The following UBXN2A variants were observed in gnomAD, a reference collection of about 807,000 sequenced individuals.
UBXN2A encodes UBX domain protein 2A.
A neutral mutation model predicts 28.4 loss-of-function variants in UBXN2A; 28 were observed. That is an observed-to-expected ratio of 0.99 (90% CI 0.73 to 1.35). The LOEUF is 1.35. Among genes scored for constraint, UBXN2A ranks in the 40% most tolerant of loss-of-function variants. The probability of loss-of-function intolerance (pLI) is 0.00; values close to 1 mark genes in which losing one functional copy is unlikely to be tolerated. For synonymous variants in UBXN2A, 97 were observed against 103.6 expected, an observed-to-expected ratio of 0.94 and a Z score of 0.39; for missense variants, 253 against 297.9, an observed-to-expected ratio of 0.85 and a Z score of 1.11.
At chr2:23,957,962 G>C (rs901263066) in intron 1 of UBXN2A, among the ~76,000 whole-genome samples, 2 of 152,174 alleles carry the variant, frequency 1.3e-5, no homozygotes, top group Non-Finnish European at 2.9e-5. Flanking sequence ...ATTTTACCCA[G>C]ACTGGTCTTG....
At chr2:23,996,584 C>A (rs1262576135) in intron 6 of UBXN2A, among the ~76,000 whole-genome samples, 1 of 146,452 alleles carries the variant, frequency 6.8e-6, no homozygotes, top group Non-Finnish European at 1.5e-5. Flanking sequence ...TCAAGAGATT[C>A]TCCTGCCTCA....
chr2:23,937,407 G>A (rs1241706531), upstream of UBXN2A, among the ~76,000 whole-genome samples: 4 of 151,924 alleles, frequency 2.6e-5, no homozygotes, highest in Non-Finnish European at 5.9e-5. Flanking sequence ...TTAATTGGTC[G>A]GGCATGGTGG....
At chr2:23,981,477 A>T (rs1272378349) in intron 4 of UBXN2A, among the ~76,000 whole-genome samples, 4 of 17,578 alleles carry the variant, frequency 2.3e-4, no homozygotes, top group Admixed American at 1.9e-3. Flanking sequence ...GCTCCTATCT[A>T]AAAAAAAAAA....
chr2:23,965,607 G>A (rs965680738), intron 2 of UBXN2A, among the ~76,000 whole-genome samples: 5 of 152,134 alleles, frequency 3.3e-5, no homozygotes, highest in African/African-American at 1.2e-4. Context: ...ATACATTGTT[G>A]TATTCTGTTT....
chr2:23,946,010 T>G (rs1048701521), intron 1 of UBXN2A, among the ~76,000 whole-genome samples: 1 of 152,046 alleles, frequency 6.6e-6, no homozygotes, highest in Non-Finnish European at 1.5e-5. Context: ...TTTTGTATTT[T>G]TAGTAGGCAC....
chr2:24,004,740 A>T lies in UBXN2A; in HGVS notation c.*4873A>T, dbSNP rs1216169616. On this transcript the variant is annotated 3_prime_UTR_variant, in exon 7 of 7. Transcript: ENST00000309033. ...CTATGCATTTTTTTCAGTTTAAAAA[A>T]TAATCTTATTTTATATACTTCTCTC... The T allele has an allele frequency of 2.6e-5, 4 of 151,804 alleles. No individual in the cohort carries two copies. Among genetic ancestry groups the T allele is most frequent in the Non-Finnish European group, 5.9e-5 (4 of 67,812 alleles). 9.4% of individuals were successfully genotyped at this position (151,804 alleles called of 1,614,324 possible). A position where few individuals can be genotyped will look rare whatever the true frequency, so the allele number is the denominator to read the frequency against.
At chr2:23,985,204 C>G (rs1186465945) in intron 6 of UBXN2A, among the ~76,000 whole-genome samples, 1 of 152,144 alleles carries the variant, frequency 6.6e-6, no homozygotes, top group Non-Finnish European at 1.5e-5. Context: ...TGCCAAAGTG[C>G]TGGGATTACA....
rs1043548789 is a variant in UBXN2A at position 24,004,043 on chromosome 2, A to G, written c.*4176A>G. 5 of 152,206 alleles carry G rather than the reference A, an allele frequency of 3.3e-5. No homozygotes were observed. The highest frequency in any genetic ancestry group is 3.8e-4 in the East Asian group (2 of 5,198). The allele number at this position is 152,206 out of a possible 1,614,324, so 9.4% of individuals were successfully genotyped here. A position where few individuals can be genotyped will look rare whatever the true frequency, so the allele number is the denominator to read the frequency against. On this transcript the variant is annotated 3_prime_UTR_variant, in exon 7 of 7. Coordinates refer to ENST00000309033, the MANE Select transcript of UBXN2A (RefSeq NM_181713.4). ...TAGAATACATCCCAGTAAGGGTCCTATGGAGAAAGACCTGTTGTCATCAAT... is the reference window on the plus strand; with the variant it reads ...TAGAATACATCCCAGTAAGGGTCCTGTGGAGAAAGACCTGTTGTCATCAAT...
intron 1 of UBXN2A, among the ~76,000 whole-genome samples, chr2:23,948,684 A>G (rs1270082815): frequency 6.6e-6 from 1 of 152,168 alleles, no homozygotes; most frequent in Non-Finnish European, 1.5e-5. Flanking sequence ...TAAGTTAGGC[A>G]GCTGGGACTC....
At chr2:23,952,466 A>G (rs1706420287) in intron 1 of UBXN2A, among the ~76,000 whole-genome samples, 1 of 151,502 alleles carries the variant, frequency 6.6e-6, no homozygotes, top group African/African-American at 2.4e-5. Context: ...TTTTTTTGAG[A>G]CAGAGTCTTT....
At chr2:23,953,498 TCACA>T (rs1043694405) in intron 1 of UBXN2A, among the ~76,000 whole-genome samples, 3 of 152,218 alleles carry the variant, frequency 2.0e-5, no homozygotes, top group Non-Finnish European at 4.4e-5. Flanking sequence ...AGTCCCATCG[TCACA>T]CCCTAAAAAT....
intron 2 of UBXN2A, among the ~76,000 whole-genome samples, chr2:23,962,556 A>C (rs1706974141): frequency 6.6e-6 from 1 of 151,306 alleles, no homozygotes; most frequent in Non-Finnish European, 1.5e-5. Flanking sequence ...GACATACCCG[A>C]GACTGGGCAA....
intron 1 of UBXN2A, among the ~76,000 whole-genome samples, chr2:23,933,618 G>T (rs999324378): frequency 9.9e-5 from 15 of 151,820 alleles, no homozygotes; most frequent in African/African-American, 3.1e-4. Context: ...GCTACTCAGG[G>T]GGCTGAGGCA....
intron 2 of UBXN2A, 23 bp from the exon 3 acceptor site, chr2:23,971,253 C>T: frequency 6.6e-7 from 1 of 1,520,310 alleles, no homozygotes; most frequent in Non-Finnish European, 8.9e-7. Flanking sequence ...TTAATAGTGC[C>T]TGTTTTTCTT....
At chr2:23,992,840 T>G (rs375473104) in intron 6 of UBXN2A, among the ~76,000 whole-genome samples, 1 of 152,234 alleles carries the variant, frequency 6.6e-6, no homozygotes, top group East Asian at 1.9e-4. Context: ...TTTCAACGTA[T>G]CTGTATATAT....
chr2:23,988,966 C>T (rs535890227), intron 6 of UBXN2A, among the ~76,000 whole-genome samples: 1 of 152,068 alleles, frequency 6.6e-6, no homozygotes, highest in Admixed American at 6.6e-5. Context: ...CAAGTTCATT[C>T]TACGCTTTTC....
intron 1 of UBXN2A, chr2:23,944,401 A>G (rs1393945482): frequency 2.4e-6 from 3 of 1,227,884 alleles, no homozygotes; most frequent in Admixed American, 1.8e-5. Context: ...GTATTCACCC[A>G]TCTTTCAGTT....
intron 2 of UBXN2A, among the ~76,000 whole-genome samples, chr2:23,967,416 A>G (rs1368710473): frequency 6.6e-6 from 1 of 152,218 alleles, no homozygotes; most frequent in Non-Finnish European, 1.5e-5. Flanking sequence ...AAAGCATAAA[A>G]TGGTTATAAT....
chr2:23,964,094 T>A (rs1168615736), intron 2 of UBXN2A, among the ~76,000 whole-genome samples: 1 of 149,910 alleles, frequency 6.7e-6, no homozygotes, highest in Non-Finnish European at 1.5e-5. Flanking sequence ...ATCGTGTCAC[T>A]GCGCTTCTCC....
Sources: allele counts gnomAD v4.1 joint callset (sites outside exome capture counted in the v4.1 genomes callset), GRCh38; gene constraint gnomAD v4.1.1; transcripts MANE v1.5; gene names NCBI Gene and HGNC (gene_info 2026-07-23, HGNC 2026-07-21).